NXPE4: variants seen among roughly 807,000 people sequenced by gnomAD.
NXPE4 encodes neurexophilin and PC-esterase domain family member 4.
A neutral mutation model predicts 33.3 loss-of-function variants in NXPE4; 42 were observed. That is an observed-to-expected ratio of 1.26 (90% CI 0.98 to 1.63). NXPE4 has a LOEUF of 1.63. NXPE4 is among the 40% of genes most tolerant of loss of function. The pLI, the probability that NXPE4 is intolerant of heterozygous loss-of-function variation, is 0.00. For missense variants in NXPE4, 709 were observed against 647.6 expected (o/e 1.09, Z -1.03); for synonymous variants, 253 against 234.9 (o/e 1.08, Z -0.71).
the NXPE4 span, among the ~76,000 whole-genome samples, chr11:114,661,501 A>G: frequency 6.6e-6 from 1 of 152,192 alleles, no homozygotes; most frequent in African/African-American, 2.4e-5. Context: ...TTGTCATCAT[A>G]TTGCAACTGA....
intron 2 of NXPE4, among the ~76,000 whole-genome samples, chr11:114,587,050 A>C (rs571505727): frequency 1.3e-5 from 2 of 152,232 alleles, no homozygotes; most frequent in South Asian, 4.2e-4. Flanking sequence ...GTGGAACGGG[A>C]ACCCTATTCC....
At chr11:114,581,432 G>A (rs1029890044) in intron 4 of NXPE4, among the ~76,000 whole-genome samples, 1 of 152,134 alleles carries the variant, frequency 6.6e-6, no homozygotes, top group Non-Finnish European at 1.5e-5. Context: ...AAAGAAGTGG[G>A]TATAGAATTG....
At chr11:114,664,920 G>C in the NXPE4 span, among the ~76,000 whole-genome samples, 15,358 of 152,132 alleles carry the variant, frequency 0.1, 987 homozygotes, top group African/African-American at 0.18. Context: ...TAAGTGTTCA[G>C]AGCACATTTA....
intron 5 of NXPE4, among the ~76,000 whole-genome samples, chr11:114,571,694 TGCA>T (rs1209357343): frequency 6.6e-6 from 1 of 152,178 alleles, no homozygotes; most frequent in Non-Finnish European, 1.5e-5. Flanking sequence ...AGGACTAGCT[TGCA>T]GCTCTCACTC....
the NXPE4 span, among the ~76,000 whole-genome samples, chr11:114,649,543 G>T: frequency 2.6e-5 from 4 of 152,198 alleles, no homozygotes; most frequent in Admixed American, 6.5e-5. Flanking sequence ...AAGCTATAGA[G>T]ACAGAAAGCC....
At chr11:114,584,006 T>C in intron 2 of NXPE4, 2 of 360,278 alleles carry the variant, frequency 5.6e-6, no homozygotes, top group South Asian at 5.1e-5. Flanking sequence ...AATAGAGATG[T>C]TCCTGTCTAG....
chr11:114,583,491 A>G lies in NXPE4; in HGVS notation c.97-470T>C, dbSNP rs116759935. On this transcript the variant is annotated intron_variant, in intron 2 of 5. Coordinates refer to ENST00000375478, the MANE Select transcript of NXPE4 (RefSeq NM_001077639.2). ...TACATTAAATTCTTGTGCTCCATCT[A>G]TCCAGATTACGTGTCTGAGCACAGC... 1.3e-3 allele frequency: 851 copies of G among 634,646 alleles called. 3 individuals are homozygous for G. Among genetic ancestry groups the G allele is most frequent in the African/African-American group, 0.011 (580 of 55,124 alleles). The allele number at this position is 634,646 out of a possible 1,614,324, so 39.3% of individuals were successfully genotyped here. A position where few individuals can be genotyped will look rare whatever the true frequency, so the allele number is the denominator to read the frequency against.
At chr11:114,631,694 G>A in the NXPE4 span, among the ~76,000 whole-genome samples, 46 of 151,226 alleles carry the variant, frequency 3.0e-4, no homozygotes, top group Non-Finnish European at 4.3e-4. Flanking sequence ...GTATTGCCTC[G>A]TGGGTAACCA....
chr11:114,594,184 G>T (rs1235597938), intron 2 of NXPE4, among the ~76,000 whole-genome samples: 1 of 152,020 alleles, frequency 6.6e-6, no homozygotes, highest in Non-Finnish European at 1.5e-5. Flanking sequence ...GAGTATAATT[G>T]TCTTGTTTGT....
chr11:114,611,609 A>T, the NXPE4 span, among the ~76,000 whole-genome samples: 6 of 151,440 alleles, frequency 4.0e-5, no homozygotes, highest in East Asian at 2.0e-4. Flanking sequence ...CACAATTCTT[A>T]CCCTGTGGAA....
At chr11:114,670,716 A>G in the NXPE4 span, among the ~76,000 whole-genome samples, 2 of 151,890 alleles carry the variant, frequency 1.3e-5, no homozygotes, top group Non-Finnish European at 2.9e-5. Context: ...TAAAAGTAAA[A>G]CAAGCAAACA....
rs908506983 is a variant in NXPE4, at chr11:114,580,137, A to T, written c.1094T>A (p.Ile365Asn). The T allele has an allele frequency of 6.2e-7, 1 of 1,613,152 alleles. No homozygotes were observed. Among genetic ancestry groups the T allele is most frequent in the Non-Finnish European group, 8.5e-7 (1 of 1,179,080 alleles). The change falls in exon 5 of 6, where the codon ATC becomes AAC. Residue 365 changes from isoleucine to asparagine, a missense_variant. Ile to Asn is a moderately radical substitution (Grantham distance 149). Transcript: ENST00000375478. ...TAGCTTAGACTGAGGCATACTGTTG[A>T]TACTGGCTTTGAAGTATTCCATCCA... ...RQWMEYFKAS[I>N]NTLKSVDLHE...
At chr11:114,675,038 T>A in the NXPE4 span, among the ~76,000 whole-genome samples, 1 of 151,668 alleles carries the variant, frequency 6.6e-6, no homozygotes, top group Non-Finnish European at 1.5e-5. Flanking sequence ...ATTAACAGAA[T>A]GCAGGATAAA....
At chr11:114,678,048 T>C in the NXPE4 span, among the ~76,000 whole-genome samples, 4 of 152,256 alleles carry the variant, frequency 2.6e-5, no homozygotes, top group African/African-American at 9.6e-5. Flanking sequence ...GCTGTGGGAC[T>C]GCTTGATGTA....
At chr11:114,618,500 G>A in the NXPE4 span, among the ~76,000 whole-genome samples, 1 of 151,990 alleles carries the variant, frequency 6.6e-6, no homozygotes, top group African/African-American at 2.4e-5. Context: ...TGCCTCGTAG[G>A]TAACCACTGT....
chr11:114,630,970 T>A, the NXPE4 span, among the ~76,000 whole-genome samples: 11 of 150,704 alleles, frequency 7.3e-5, no homozygotes, highest in East Asian at 2.1e-3. Flanking sequence ...AAAACCACAA[T>A]GAGATACCAT....
At chr11:114,639,389 G>A in the NXPE4 span, among the ~76,000 whole-genome samples, 1 of 151,868 alleles carries the variant, frequency 6.6e-6, no homozygotes, top group Non-Finnish European at 1.5e-5. Flanking sequence ...CTTTGATTAG[G>A]AAAGGGAACT....
At chr11:114,653,468 C>T in the NXPE4 span, among the ~76,000 whole-genome samples, 2 of 151,860 alleles carry the variant, frequency 1.3e-5, no homozygotes, top group Admixed American at 1.3e-4. Context: ...ATATTTAACC[C>T]TTGGGTGCTT....
In NXPE4 at chr11:114,581,789, T is replaced by C; in HGVS notation, c.831-3A>G. Reference sequence around the variant, plus strand: ...TAATCTCTACACCCACATTTGACCTTAAAGACACAAATACAGAAATTAATC... The same window carrying C: ...TAATCTCTACACCCACATTTGACCTCAAAGACACAAATACAGAAATTAATC... On this transcript the variant is annotated splice_region_variant and splice_polypyrimidine_tract_variant and intron_variant, in intron 3 of 5. Coordinates refer to ENST00000375478, the MANE Select transcript of NXPE4 (RefSeq NM_001077639.2). 6.2e-7 allele frequency: 1 copy of C among 1,602,544 alleles called. No homozygotes were observed. Among genetic ancestry groups the C allele is most frequent in the South Asian group, 1.1e-5 (1 of 89,588 alleles).
Sources: gnomAD v4.1 joint callset for allele counts (sites outside exome capture counted in the v4.1 genomes callset) on GRCh38, gnomAD v4.1.1 for gene constraint, MANE v1.5 for transcripts, NCBI Gene and HGNC (gene_info 2026-07-23, HGNC 2026-07-21) for gene names.